The following PRKCE variants were observed in gnomAD, a reference collection of about 807,000 sequenced individuals.
PRKCE encodes protein kinase C epsilon.
In PRKCE, 16 loss-of-function variants were observed where a neutral mutation model predicts 85.4. That is an observed-to-expected ratio of 0.19 (90% CI 0.13 to 0.28). The LOEUF is 0.28. Among genes scored for constraint, PRKCE ranks in the 10% least tolerant of loss-of-function variants. The pLI is 1.00. For synonymous variants in PRKCE, 388 were observed against 371.5 expected, an observed-to-expected ratio of 1.04 and a Z score of -0.51; for missense variants, 573 against 975.2, an observed-to-expected ratio of 0.59 and a Z score of 5.49.
At chr2:45,684,419 T>C (rs1355721122) in intron 1 of PRKCE, among the ~76,000 whole-genome samples, 1 of 152,218 alleles carries the variant, frequency 6.6e-6, no homozygotes, top group African/African-American at 2.4e-5. Context: ...AAGGCTGGGC[T>C]TTCAGATATC....
intron 14 of PRKCE, among the ~76,000 whole-genome samples, chr2:46,171,464 G>A (rs534581937): frequency 7.7e-4 from 117 of 152,356 alleles, no homozygotes; most frequent in African/African-American, 2.3e-3. Context: ...ACAGTGCTGC[G>A]TGTCTTTGTG....
intron 10 of PRKCE, among the ~76,000 whole-genome samples, chr2:46,025,059 G>A (rs762788577): frequency 1.3e-5 from 2 of 151,812 alleles, no homozygotes; most frequent in African/African-American, 2.4e-5. Context: ...CTGAAAGAAA[G>A]CTCGAAAATT....
intron 2 of PRKCE, among the ~76,000 whole-genome samples, chr2:45,901,895 A>C (rs1051331992): frequency 6.6e-6 from 1 of 152,198 alleles, no homozygotes; most frequent in Non-Finnish European, 1.5e-5. Flanking sequence ...GAGTATGGTG[A>C]CTTCAGAGTT....
chr2:45,739,707 T>C (rs780854791), intron 1 of PRKCE, among the ~76,000 whole-genome samples: 1 of 152,032 alleles, frequency 6.6e-6, no homozygotes, highest in Non-Finnish European at 1.5e-5. Flanking sequence ...GGGTACAAGA[T>C]TGAGTACAAA....
intron 2 of PRKCE, among the ~76,000 whole-genome samples, chr2:45,913,388 G>A (rs1219519587): frequency 2.6e-5 from 4 of 152,188 alleles, no homozygotes; most frequent in East Asian, 3.9e-4. Flanking sequence ...GGGCTCAAGC[G>A]ATCCACCCAT....
intron 2 of PRKCE, among the ~76,000 whole-genome samples, chr2:45,972,641 AT>A (rs1294752446): frequency 2.0e-5 from 3 of 152,190 alleles, no homozygotes; most frequent in Admixed American, 6.5e-5. Flanking sequence ...ATTTTTGTGT[AT>A]GGTAAAAGGT....
chr2:45,764,643 C>T (rs902248341), intron 1 of PRKCE, among the ~76,000 whole-genome samples: 4 of 152,070 alleles, frequency 2.6e-5, no homozygotes, highest in Non-Finnish European at 4.4e-5. Flanking sequence ...TTCTTTTCAT[C>T]CATTTCTTTT....
In PRKCE at chr2:46,187,454, T is replaced by C. The variant is rs1680524867; in HGVS notation, c.*2573T>C. The C allele has an allele frequency of 6.6e-6, 1 of 152,588 alleles. No individual in the cohort carries two copies. Among genetic ancestry groups the C allele is most frequent in the Non-Finnish European group, 1.5e-5 (1 of 68,032 alleles). 9.5% of individuals were successfully genotyped at this position (152,588 alleles called of 1,614,324 possible). ...GGCTTGCGTGTTCGTTGAGTAATCA[T>C]TGTTTCATTTTCATTTTTACGAGAG... On this transcript the variant is annotated 3_prime_UTR_variant, in exon 15 of 15. Transcript: ENST00000306156.
rs562955781 is a variant in PRKCE, at chr2:45,947,880, T to C, written c.413-28549T>C. Among the ~76,000 whole-genome samples the C allele has an allele frequency of 7.2e-4, 109 of 152,344 alleles. 3 individuals carry two copies. Among genetic ancestry groups the C allele is most frequent in the Middle Eastern group, 3.4e-3 (1 of 294 alleles). The stretch of plus-strand genomic sequence containing the variant: ...TAAAGTGTATATTTCTTTTATAACC[T>C]ATTGTACTTAATAAAGTTTGGAGTT... On this transcript the variant is annotated intron_variant, in intron 2 of 14. Transcript: ENST00000306156.
rs530602487 is a variant in PRKCE at position 45,783,712 on chromosome 2, C to G, written c.349-59288C>G. On this transcript the variant is annotated intron_variant, in intron 1 of 14. Transcript: ENST00000306156. ...TGCAGATGAGGGGATGTTCAGTATC[C>G]TAACCTGTTCTCTGGTCACAGGATG... Among the ~76,000 whole-genome samples, 4 of 152,316 alleles carry G rather than the reference C, an allele frequency of 2.6e-5. No individual in the cohort carries two copies. The Middle Eastern group carries it at 0.01, about 389-fold the overall frequency.
intron 1 of PRKCE, among the ~76,000 whole-genome samples, chr2:45,731,617 A>ATT (rs11329717): frequency 1.4e-3 from 151 of 108,544 alleles, no homozygotes; most frequent in Non-Finnish European, 1.9e-3. Context: ...AATTCCTGGA[A>ATT]TTTTTTTTTT....
intron 1 of PRKCE, among the ~76,000 whole-genome samples, chr2:45,781,753 C>G (rs1369413209): frequency 6.6e-6 from 1 of 151,840 alleles, no homozygotes; most frequent in African/African-American, 2.4e-5. Context: ...CAGAAATATT[C>G]AAAATAGCTT....
chr2:45,810,819 A>G lies in PRKCE; in HGVS notation c.349-32181A>G, dbSNP rs189940747. On this transcript the variant is annotated intron_variant, in intron 1 of 14. Coordinates refer to ENST00000306156, the MANE Select transcript of PRKCE (RefSeq NM_005400.3). The stretch of plus-strand genomic sequence containing the variant: ...TAGGCTTGCAATTTTATAGTAGGGC[A>G]CATTCGTATTATTAACAGTATTTGT... 9.8e-5 allele frequency among the ~76,000 whole-genome samples: 15 copies of G among 152,334 alleles called. No individual in the cohort carries two copies. The East Asian group carries it at 2.5e-3, about 25-fold the overall frequency.
At chr2:46,020,707 C>T (rs904172735) in intron 10 of PRKCE, among the ~76,000 whole-genome samples, 2 of 152,218 alleles carry the variant, frequency 1.3e-5, no homozygotes, top group Non-Finnish European at 2.9e-5. Flanking sequence ...TGTCACACTA[C>T]TTCATTGATC....
chr2:45,878,551 C>T (rs1694645445), intron 2 of PRKCE, among the ~76,000 whole-genome samples: 1 of 152,098 alleles, frequency 6.6e-6, no homozygotes, highest in Non-Finnish European at 1.5e-5. Context: ...CCTGGGTTCT[C>T]ACTGTTATTC....
intron 11 of PRKCE, among the ~76,000 whole-genome samples, chr2:46,137,835 C>T (rs1675146876): frequency 6.6e-6 from 1 of 152,010 alleles, no homozygotes; most frequent in East Asian, 1.9e-4. Flanking sequence ...CCATCTCCAG[C>T]ATACCAGCAT....
intron 10 of PRKCE, among the ~76,000 whole-genome samples, chr2:46,037,960 G>A (rs2104985919): frequency 6.6e-6 from 1 of 152,276 alleles, no homozygotes; most frequent in Middle Eastern, 3.4e-3. Flanking sequence ...AAATAAATGA[G>A]GATAAGATGA....
chr2:45,941,426 A>C (rs1573962769), intron 2 of PRKCE, among the ~76,000 whole-genome samples: 1 of 152,332 alleles, frequency 6.6e-6, no homozygotes, highest in Non-Finnish European at 1.5e-5. Flanking sequence ...TCCAGCCTTA[A>C]GAAACTTATT....
chr2:46,144,488 C>T (rs1201356336), intron 11 of PRKCE, among the ~76,000 whole-genome samples: 1 of 152,172 alleles, frequency 6.6e-6, no homozygotes, highest in Non-Finnish European at 1.5e-5. Flanking sequence ...TTGGCCTTCT[C>T]CTCTCTCCCA....
Sources: gnomAD v4.1 joint callset for allele counts (sites outside exome capture counted in the v4.1 genomes callset) on GRCh38, gnomAD v4.1.1 for gene constraint, MANE v1.5 for transcripts, NCBI Gene and HGNC (gene_info 2026-07-23, HGNC 2026-07-21) for gene names.